TRAF3: variants seen among roughly 807,000 people sequenced by gnomAD.
The protein encoded by TRAF3 is TNF receptor-associated factor 3.
A neutral mutation model predicts 62.3 loss-of-function variants in TRAF3; 13 were observed. That is an observed-to-expected ratio of 0.21 (90% CI 0.14 to 0.33). The LOEUF is 0.33. Among genes scored for constraint, TRAF3 ranks in the 10% least tolerant of loss-of-function variants. The pLI, the probability that TRAF3 is intolerant of heterozygous loss-of-function variation, is 1.00. For synonymous variants in TRAF3, 269 were observed against 283.4 expected (o/e 0.95, Z 0.51); for missense variants, 440 against 741.8 (o/e 0.59, Z 4.73).
chr14:102,899,352 G>A lies in TRAF3; in HGVS notation c.960+1951G>A, dbSNP rs74998568. Reference sequence around the variant, plus strand: ...CCATCCCTCTGCTGCTGCAGGCCCCGCCTACCCTCTTGAGCAGCAGCCCAG... The same window carrying A: ...CCATCCCTCTGCTGCTGCAGGCCCCACCTACCCTCTTGAGCAGCAGCCCAG... On this transcript the variant is annotated intron_variant, in intron 10 of 11. Coordinates refer to ENST00000392745, the MANE Select transcript of TRAF3 (RefSeq NM_145725.3). Among the ~76,000 whole-genome samples, 462 of 152,260 alleles carry A rather than the reference G, an allele frequency of 3.0e-3. 1 individual carries two copies. The highest frequency in any genetic ancestry group is 0.011 in the African/African-American group (440 of 41,552).
At chr14:102,800,009 G>A (rs937315576) in intron 1 of TRAF3, among the ~76,000 whole-genome samples, 1 of 152,182 alleles carries the variant, frequency 6.6e-6, no homozygotes, top group African/African-American at 2.4e-5. Flanking sequence ...TTGATGGAAA[G>A]TAGGGACTCC....
chr14:102,902,631 T>C (rs1398104730), intron 10 of TRAF3, among the ~76,000 whole-genome samples: 2 of 152,186 alleles, frequency 1.3e-5, no homozygotes, highest in African/African-American at 2.4e-5. Context: ...CTCTGTATTA[T>C]GGCCCCCGAG....
At chr14:102,806,919 A>G (rs910213649) in intron 1 of TRAF3, among the ~76,000 whole-genome samples, 4 of 152,082 alleles carry the variant, frequency 2.6e-5, no homozygotes, top group African/African-American at 9.7e-5. Flanking sequence ...TCTCTAGTGA[A>G]GCTCTTGATT....
Position 102,838,470 on chromosome 14 carries a change from C to T in TRAF3, c.-18+7998C>T, listed in dbSNP as rs117795781. Among the ~76,000 whole-genome samples the T allele has an allele frequency of 2.6e-3, 390 of 152,298 alleles. 1 individual carries two copies. The highest frequency in any genetic ancestry group is 6.2e-3 in the South Asian group (30 of 4,828). ...GTTTAATTCAACAAACAAGTGGTAC[C>T]TGCTGGGTGTGCCTGCCGTCCTGCT... is the stretch of plus-strand genomic sequence containing the variant. On this transcript the variant is annotated intron_variant, in intron 2 of 11. Transcript: ENST00000392745.
At chr14:102,812,317 G>A (rs1899237576) in intron 1 of TRAF3, among the ~76,000 whole-genome samples, 1 of 152,058 alleles carries the variant, frequency 6.6e-6, no homozygotes, top group Admixed American at 6.6e-5. Context: ...TATCCATGTT[G>A]CTGTGAACGA....
chr14:102,813,833 AT>A (rs1899351171), intron 1 of TRAF3, among the ~76,000 whole-genome samples: 1 of 152,092 alleles, frequency 6.6e-6, no homozygotes, highest in South Asian at 2.1e-4. Flanking sequence ...TGTTGGATGA[AT>A]AGTTCGCAAA....
At chr14:102,887,551 G>A (rs1248741545) in intron 7 of TRAF3, among the ~76,000 whole-genome samples, 2 of 152,180 alleles carry the variant, frequency 1.3e-5, no homozygotes, top group African/African-American at 2.4e-5. Context: ...GCCACAACTG[G>A]ACAATCCTCT....
intron 7 of TRAF3, among the ~76,000 whole-genome samples, chr14:102,886,589 C>T (rs1889403583): frequency 2.6e-5 from 4 of 152,070 alleles, no homozygotes; most frequent in Admixed American, 2.6e-4. Flanking sequence ...AACCCCGTCT[C>T]TACTAAAAGT....
chr14:102,813,772 AT>A (rs925252365), intron 1 of TRAF3, among the ~76,000 whole-genome samples: 112 of 144,670 alleles, frequency 7.7e-4, no homozygotes, highest in Admixed American at 7.6e-4. Context: ...TTTTAATTGG[AT>A]TTTTTTTTTT....
chr14:102,869,787 CAG>C (rs1888221966), intron 2 of TRAF3, among the ~76,000 whole-genome samples: 1 of 147,738 alleles, frequency 6.8e-6, no homozygotes, highest in Non-Finnish European at 1.5e-5. Flanking sequence ...GCCTGGGCAA[CAG>C]AGCGAGACTC....
At chr14:102,851,598 G>C (rs1471712517) in intron 2 of TRAF3, among the ~76,000 whole-genome samples, 1 of 152,212 alleles carries the variant, frequency 6.6e-6, no homozygotes, top group Admixed American at 6.5e-5. Flanking sequence ...CAGAAAATTA[G>C]CCAGGCCTGG....
At position 102,811,550 on chromosome 14, in the gene TRAF3, G is replaced by GTTTTTTTTTTTTTTTTTTTTT. The variant is rs35064640; in HGVS notation, c.-156-18780_-156-18760dup. Among the ~76,000 whole-genome samples the GTTTTTTTTTTTTTTTTTTTTT allele has an allele frequency of 7.5e-5, 6 of 79,508 alleles. 1 individual carries two copies. The highest frequency in any genetic ancestry group is 1.2e-4 in the Non-Finnish European group (5 of 43,230). 52.2% of individuals were successfully genotyped at this position (79,508 alleles called of 152,430 possible). On this transcript the variant is annotated intron_variant, in intron 1 of 11. Coordinates refer to ENST00000392745, the MANE Select transcript of TRAF3 (RefSeq NM_145725.3). The stretch of plus-strand genomic sequence containing the variant: ...CAAGGAGCTGTTTGCGCTGTAGGCG[G>GTTTTTTTTTTTTTTTTTTTTT]TTTTTTTTTTTTTTTTTTTTTTTTG...
chr14:102,809,028 C>G (rs1898949684), intron 1 of TRAF3: 1 of 152,010 alleles, frequency 6.6e-6, no homozygotes, highest in Non-Finnish European at 1.5e-5. Flanking sequence ...GCTCTGTCAC[C>G]CAGGCTGGAG....
rs1294546489 is a variant in TRAF3, at chr14:102,900,179, GGAA to G, written c.960+2779_960+2781del. Among the ~76,000 whole-genome samples, 35 of 83,736 alleles carry G rather than the reference GGAA, an allele frequency of 4.2e-4. 2 individuals are homozygous for G. Among genetic ancestry groups the G allele is most frequent in the African/African-American group, 1.7e-3 (33 of 19,238 alleles). 54.9% of individuals were successfully genotyped at this position (83,736 alleles called of 152,430 possible). A position where few individuals can be genotyped will look rare whatever the true frequency, so the allele number is the denominator to read the frequency against. On this transcript the variant is annotated intron_variant, in intron 10 of 11. Coordinates refer to ENST00000392745, the MANE Select transcript of TRAF3 (RefSeq NM_145725.3). Reference sequence around the variant, plus strand: ...GGGAGAAAGAGCAAGACTCCGTCTCGGAAAAAAAAAAAAAAAAAAAAAAAGACA... The same window carrying G: ...GGGAGAAAGAGCAAGACTCCGTCTCGAAAAAAAAAAAAAAAAAAAAAGACA...
At chr14:102,864,306 G>A (rs1332897052) in intron 2 of TRAF3, among the ~76,000 whole-genome samples, 3 of 151,842 alleles carry the variant, frequency 2.0e-5, no homozygotes, top group Non-Finnish European at 4.4e-5. Context: ...CCGCCACCAC[G>A]CCCGGCTAAT....
In TRAF3 at chr14:102,897,241, T is replaced by C; in HGVS notation, c.820-20T>C. On this transcript the variant is annotated intron_variant, in intron 9 of 11. Coordinates refer to ENST00000392745, the MANE Select transcript of TRAF3 (RefSeq NM_145725.3). ...TGAAAACCACTTTTGGTTACATTAA[T>C]TAAAGAATTTCTTTTTTAGGTTTCC... 6.2e-7 allele frequency: 1 copy of C among 1,604,608 alleles called. No homozygotes were observed.
intron 2 of TRAF3, among the ~76,000 whole-genome samples, chr14:102,838,671 G>A (rs926393357): frequency 5.3e-5 from 8 of 152,210 alleles, no homozygotes; most frequent in Non-Finnish European, 1.2e-4. Context: ...GGAGACAGTC[G>A]TTGCGGCTGG....
chr14:102,858,792 T>G (rs1238703444), intron 2 of TRAF3, among the ~76,000 whole-genome samples: 5 of 152,210 alleles, frequency 3.3e-5, no homozygotes, highest in African/African-American at 2.4e-5. Flanking sequence ...CCAAACACCA[T>G]TTCATATTTG....
intron 2 of TRAF3, among the ~76,000 whole-genome samples, chr14:102,836,197 G>C (rs948063671): frequency 1.3e-5 from 2 of 152,242 alleles, no homozygotes; most frequent in Non-Finnish European, 2.9e-5. Flanking sequence ...GCTGGCCAGG[G>C]CCTGTGCACC....
Sources: allele counts gnomAD v4.1 joint callset (sites outside exome capture counted in the v4.1 genomes callset), GRCh38; gene constraint gnomAD v4.1.1; transcripts MANE v1.5; gene names NCBI Gene and HGNC (gene_info 2026-07-23, HGNC 2026-07-21).